ABCC1: variants seen among roughly 807,000 people sequenced by gnomAD.
The protein encoded by ABCC1 is multidrug resistance-associated protein 1.
In ABCC1, 83 loss-of-function variants were observed where a neutral mutation model predicts 172.9. The ratio of observed to expected loss-of-function variants is 0.48; its 90% CI spans 0.40 to 0.58. The LOEUF is 0.58. Among genes scored for constraint, ABCC1 ranks in the 20% least tolerant of loss-of-function variants. The pLI is 0.00. For synonymous variants in ABCC1, 937 were observed against 825.2 expected (o/e 1.14, Z -2.32); for missense variants, 1,817 against 2,002.7 (o/e 0.91, Z 1.77).
chr16:15,981,519 T>A (rs1470749456), intron 1 of ABCC1, among the ~76,000 whole-genome samples: 1 of 152,202 alleles, frequency 6.6e-6, no homozygotes, highest in Non-Finnish European at 1.5e-5. Flanking sequence ...TTGCACCCTC[T>A]GATGGCACAG....
intron 9 of ABCC1, among the ~76,000 whole-genome samples, chr16:16,046,640 C>G (rs761173623): frequency 2.6e-5 from 4 of 152,200 alleles, no homozygotes; most frequent in Non-Finnish European, 4.4e-5. Flanking sequence ...CCACCGCGCC[C>G]AGCCTGTTGT....
chr16:16,115,063 A>T lies in ABCC1; in HGVS notation c.3377A>T (p.Tyr1126Phe). Reference sequence around the variant, plus strand: ...ATCATCCCGCCCCTTGGCCTCATCTACTTCTTCGTCCAGGTAAGGGGTGAG... The same window carrying T: ...ATCATCCCGCCCCTTGGCCTCATCTTCTTCTTCGTCCAGGTAAGGGGTGAG... ...AIIIPPLGLI[Y>F]FFVQRFYVAS... Residue 1126 changes from tyrosine to phenylalanine, a missense_variant, in exon 23 of 31, where the codon TAC becomes TTC. Tyr to Phe is a conservative substitution (Grantham distance 22). Transcript: ENST00000399410. The T allele has an allele frequency of 1.9e-6, 3 of 1,613,542 alleles. No individual in the cohort carries two copies. Among genetic ancestry groups the T allele is most frequent in the Non-Finnish European group, 2.5e-6 (3 of 1,179,602 alleles).
chr16:16,033,634 GCCTTCTT>G (rs1403982998), intron 6 of ABCC1, among the ~76,000 whole-genome samples: 1 of 151,940 alleles, frequency 6.6e-6, no homozygotes, highest in Admixed American at 6.6e-5. Context: ...ATTTTAGTAT[GCCTTCTT>G]CTGGTCGTCT....
rs370298861 is a variant in ABCC1 at position 16,102,606 on chromosome 16, C to T, written c.2645-21C>T. ...CTGCCTCATATAACCCCACTTGCCC[C>T]CTTTGTCTCTCTTCTGCCAGGGGTC... is the stretch of plus-strand genomic sequence containing the variant. On this transcript the variant is annotated intron_variant, in intron 19 of 30. Coordinates refer to ENST00000399410, the MANE Select transcript of ABCC1 (RefSeq NM_004996.4). 2.8e-4 allele frequency: 442 copies of T among 1,561,166 alleles called. 1 individual carries two copies. Among genetic ancestry groups the T allele is most frequent in the Non-Finnish European group, 3.6e-4 (414 of 1,152,076 alleles).
At chr16:15,969,367 C>CTTTT (rs57250944) in intron 1 of ABCC1, among the ~76,000 whole-genome samples, 2 of 131,612 alleles carry the variant, frequency 1.5e-5, no homozygotes, top group Non-Finnish European at 1.6e-5. Flanking sequence ...GCTGGTCAGT[C>CTTTT]TTTTTTTTTT....
At chr16:16,138,867 G>A (rs2046019796) in intron 30 of ABCC1, among the ~76,000 whole-genome samples, 1 of 152,072 alleles carries the variant, frequency 6.6e-6, no homozygotes, top group East Asian at 1.9e-4. Context: ...GTGCCACCAC[G>A]CCCATCTAAC....
chr16:16,021,007 A>G (rs2048175369), intron 5 of ABCC1, among the ~76,000 whole-genome samples: 1 of 152,180 alleles, frequency 6.6e-6, no homozygotes, highest in Non-Finnish European at 1.5e-5. Flanking sequence ...TGGCTAAATA[A>G]TGGCTTTGTG....
At chr16:16,094,285 C>A in intron 19 of ABCC1, 1 of 265,116 alleles carries the variant, frequency 3.8e-6, no homozygotes, top group South Asian at 4.2e-5. Flanking sequence ...CCCTTAAGTT[C>A]AGTGTGACTC....
chr16:16,068,264 CT>C lies in ABCC1; in HGVS notation c.1787del (p.Leu596ArgfsTer21). 3.1e-6 allele frequency: 5 copies of C among 1,614,158 alleles called. No individual in the cohort carries two copies. The highest frequency in any genetic ancestry group is 4.2e-6 in the Non-Finnish European group (5 of 1,180,034). On this transcript the variant is annotated frameshift_variant, in exon 13 of 31. Coordinates refer to ENST00000399410, the MANE Select transcript of ABCC1 (RefSeq NM_004996.4). LOFTEE classifies it high-confidence loss of function. ...CTTGTTCAACATCCTCCGGTTTCCC[CT>C]GAACATTCTCCCCATGGTCATCAGC... ...LALFNILRFP[L>X]NILPMVISSI...
intron 6 of ABCC1, 110 bp from the exon 7 acceptor site, chr16:16,036,362 T>A: frequency 2.0e-6 from 2 of 1,021,280 alleles, no homozygotes; most frequent in Non-Finnish European, 2.8e-6. Context: ...CGGGCAGCTG[T>A]GCTGCAGAGG....
At chr16:16,057,202 A>AG (rs1375194215) in intron 12 of ABCC1, among the ~76,000 whole-genome samples, 1 of 149,140 alleles carries the variant, frequency 6.7e-6, no homozygotes, top group East Asian at 2.0e-4. Context: ...AAAAAAAGAA[A>AG]GAAAAAAAAA....
At chr16:16,128,331 A>G (rs746060615) in intron 26 of ABCC1, among the ~76,000 whole-genome samples, 7 of 151,770 alleles carry the variant, frequency 4.6e-5, no homozygotes, top group Non-Finnish European at 8.8e-5. Flanking sequence ...TTGTATTTTT[A>G]GTAGAGAAGG....
intron 23 of ABCC1, among the ~76,000 whole-genome samples, chr16:16,121,554 C>G (rs1454268026): frequency 6.6e-6 from 1 of 152,208 alleles, no homozygotes; most frequent in Non-Finnish European, 1.5e-5. Context: ...TAGAGGTTAG[C>G]ACTTTGCAGC....
At chr16:15,989,203 A>G (rs918238279) in intron 1 of ABCC1, among the ~76,000 whole-genome samples, 1 of 151,810 alleles carries the variant, frequency 6.6e-6, no homozygotes, top group Admixed American at 6.6e-5. Context: ...GGTGATGGGG[A>G]TAAGTCTGGA....
chr16:15,973,937 A>T (rs909054564), intron 1 of ABCC1, among the ~76,000 whole-genome samples: 1 of 152,088 alleles, frequency 6.6e-6, no homozygotes, highest in African/African-American at 2.4e-5. Flanking sequence ...GTGAGCCACG[A>T]TTGCACCACC....
intron 1 of ABCC1, among the ~76,000 whole-genome samples, chr16:15,972,895 C>A (rs1019323112): frequency 2.1e-5 from 3 of 143,442 alleles, no homozygotes; most frequent in Non-Finnish European, 3.0e-5. Flanking sequence ...ACCTCCTAGG[C>A]TGAAGCTATC....
At chr16:15,980,623 C>T (rs563601370) in intron 1 of ABCC1, among the ~76,000 whole-genome samples, 3 of 152,274 alleles carry the variant, frequency 2.0e-5, no homozygotes, top group Admixed American at 6.5e-5. Context: ...TTGTCTCTCA[C>T]TGGGTTCCTC....
intron 1 of ABCC1, among the ~76,000 whole-genome samples, chr16:16,001,662 C>T (rs1404071540): frequency 2.0e-5 from 3 of 152,196 alleles, no homozygotes; most frequent in South Asian, 4.2e-4. Flanking sequence ...ATGGAAAGAC[C>T]CTCAGTTTTA....
chr16:16,132,614 T>C (rs1238048761), intron 27 of ABCC1, among the ~76,000 whole-genome samples: 1 of 140,600 alleles, frequency 7.1e-6, no homozygotes, highest in Non-Finnish European at 1.5e-5. Flanking sequence ...TTCTGCCTCC[T>C]GGGTTCAAGT....
Sources: gnomAD v4.1 joint callset for allele counts (sites outside exome capture counted in the v4.1 genomes callset) on GRCh38, gnomAD v4.1.1 for gene constraint, MANE v1.5 for transcripts, NCBI Gene and HGNC (gene_info 2026-07-23, HGNC 2026-07-21) for gene names.